Variants in ZRANB3 observed in about 807,000 individuals in gnomAD.
ZRANB3 encodes the protein DNA annealing helicase and endonuclease ZRANB3.
A neutral mutation model predicts 133.8 loss-of-function variants in ZRANB3; 125 were observed. That is an observed-to-expected ratio of 0.93 (90% confidence interval 0.81 to 1.08). ZRANB3 has a LOEUF of 1.08. Among genes scored for constraint, ZRANB3 ranks in the 50% least tolerant of loss-of-function variants. ZRANB3 has a pLI of 0.00. For missense variants in ZRANB3, 1,229 were observed against 1,275.5 expected, an observed-to-expected ratio of 0.96 and a Z score of 0.56; for synonymous variants, 387 against 432.7, an observed-to-expected ratio of 0.89 and a Z score of 1.31.
intron 8 of ZRANB3, among the ~76,000 whole-genome samples, chr2:135,276,887 G>T (rs1483859211): frequency 1.3e-5 from 2 of 152,172 alleles, no homozygotes; most frequent in Non-Finnish European, 2.9e-5. Flanking sequence ...TAGGAGTGTG[G>T]TTAGGAGGAC....
rs1479907249 is a variant in ZRANB3, at chr2:135,230,651, C to G, written c.1816G>C (p.Glu606Gln). The change falls in exon 13 of 21, where the codon GAA becomes CAA. Residue 606 changes from glutamate to glutamine, a missense_variant. Coordinates refer to ENST00000264159, the MANE Select transcript of ZRANB3 (RefSeq NM_032143.4). ...TGGGCCTTGGCCTCCTGTACACTTTCCACGAGTGGAGTTCGGATTTGCTTG... is the reference window on the plus strand; with the variant it reads ...TGGGCCTTGGCCTCCTGTACACTTTGCACGAGTGGAGTTCGGATTTGCTTG... Reference protein sequence around the residue: ...QSKQIRTPLVESVQEAKAQLT... With the variant: ...QSKQIRTPLVQSVQEAKAQLT... 3 of 1,613,648 alleles carry G rather than the reference C, an allele frequency of 1.9e-6. No homozygotes were observed. The highest frequency in any genetic ancestry group is 2.2e-5 in the East Asian group (1 of 44,896).
rs926077511 is a variant in ZRANB3 at position 135,198,119 on chromosome 2, C to A, written c.*2223G>T. 2 of 152,318 alleles carry A rather than the reference C, an allele frequency of 1.3e-5. No homozygotes were observed. Among genetic ancestry groups the A allele is most frequent in the Non-Finnish European group, 2.9e-5 (2 of 68,164 alleles). The allele number at this position is 152,318 out of a possible 1,614,324, so 9.4% of individuals were successfully genotyped here. A position where few individuals can be genotyped will look rare whatever the true frequency, so the allele number is the denominator to read the frequency against. On this transcript the variant is annotated 3_prime_UTR_variant, in exon 21 of 21. Transcript: ENST00000264159. ...GGCAGCAGCTGTCTTCTTCCTGGGG[C>A]ATCTGCACTTCCTTCTGCACTCAGG...
intron 2 of ZRANB3, among the ~76,000 whole-genome samples, chr2:135,404,317 T>C (rs1437846456): frequency 1.3e-5 from 2 of 152,156 alleles, no homozygotes; most frequent in African/African-American, 4.8e-5. Flanking sequence ...CAAGTCTCAG[T>C]AGCCAATTCT....
At position 135,332,570 on chromosome 2, in the gene ZRANB3, T is replaced by C. The variant is rs1055628371; in HGVS notation, c.677+12980A>G. ...ATATGTTTTCATTTGTTAAAATGCTTCTTAAAACATGGCTTCTAGTTCCCT... is the reference window on the plus strand; with the variant it reads ...ATATGTTTTCATTTGTTAAAATGCTCCTTAAAACATGGCTTCTAGTTCCCT... On this transcript the variant is annotated intron_variant, in intron 6 of 20. Coordinates refer to ENST00000264159, the MANE Select transcript of ZRANB3 (RefSeq NM_032143.4). 3.3e-5 allele frequency among the ~76,000 whole-genome samples: 5 copies of C among 152,156 alleles called. 1 individual carries two copies. The highest frequency in any genetic ancestry group is 3.3e-4 in the Admixed American group (5 of 15,260).
At chr2:135,258,577 G>A (rs564939066) in intron 12 of ZRANB3, among the ~76,000 whole-genome samples, 25 of 152,258 alleles carry the variant, frequency 1.6e-4, no homozygotes, top group African/African-American at 5.8e-4. Context: ...TATCTTGGTC[G>A]TGTGACAAGA....
At chr2:135,285,169 T>C (rs534912324) in intron 8 of ZRANB3, among the ~76,000 whole-genome samples, 1 of 152,292 alleles carries the variant, frequency 6.6e-6, no homozygotes, top group East Asian at 1.9e-4. Context: ...TCTTTTTCTA[T>C]GGTAAACTCC....
chr2:135,515,250 G>A (rs150117769), intron 1 of ZRANB3, among the ~76,000 whole-genome samples: 15 of 152,210 alleles, frequency 9.9e-5, no homozygotes, highest in South Asian at 6.2e-4. Flanking sequence ...AAATTCGGCC[G>A]TGAATCTGTC....
In ZRANB3 at chr2:135,315,514, G is replaced by T; in HGVS notation, c.694C>A (p.Pro232Thr). The change falls in exon 7 of 21, where the codon CCT becomes ACT. Residue 232 changes from proline to threonine, a missense_variant. Coordinates refer to ENST00000264159, the MANE Select transcript of ZRANB3 (RefSeq NM_032143.4). ...NAHIRYFGKR[P>T]QWDCRGASNL... The stretch of plus-strand genomic sequence containing the variant: ...GATGCCCCTCTACAATCCCACTGAG[G>T]TCTTTTACCAAAATATCTGTTAAAA... The T allele has an allele frequency of 6.5e-7, 1 of 1,528,884 alleles. No individual in the cohort carries two copies. Among genetic ancestry groups the T allele is most frequent in the African/African-American group, 1.4e-5 (1 of 70,760 alleles). The allele number at this position is 1,528,884 out of a possible 1,614,324, so 94.7% of individuals were successfully genotyped here. A position where few individuals can be genotyped will look rare whatever the true frequency, so the allele number is the denominator to read the frequency against.
intron 13 of ZRANB3, 37 bp downstream of exon 13, chr2:135,230,476 C>T: frequency 6.9e-7 from 1 of 1,449,912 alleles, no homozygotes. Flanking sequence ...ACACCACTAA[C>T]AGCCCTTACC....
chr2:135,255,442 T>TA (rs1282765065), intron 12 of ZRANB3, among the ~76,000 whole-genome samples: 4 of 152,182 alleles, frequency 2.6e-5, no homozygotes, highest in Admixed American at 6.5e-5. Flanking sequence ...CCTTTTCTGT[T>TA]CCTTGTTTCT....
At position 135,284,239 on chromosome 2, in the gene ZRANB3, TTAAA is replaced by T. The variant is rs563004795; in HGVS notation, c.967-8488_967-8485del. ...ACACCGCATAGGGTTGTGGTGAAAA[TTAAA>T]TAAGTTAGTCCATGAAATATGCTTG... On this transcript the variant is annotated intron_variant, in intron 8 of 20. Transcript: ENST00000264159. 2.2e-4 allele frequency among the ~76,000 whole-genome samples: 33 copies of T among 152,312 alleles called. No homozygotes were observed. In the South Asian group the frequency reaches 5.8e-3, roughly 27 times the overall value.
chr2:135,467,503 G>T (rs1398386658), intron 2 of ZRANB3, among the ~76,000 whole-genome samples: 1 of 152,112 alleles, frequency 6.6e-6, no homozygotes, highest in Non-Finnish European at 1.5e-5. Context: ...GCCCTCCCAG[G>T]GGGTGTTCCT....
intron 2 of ZRANB3, among the ~76,000 whole-genome samples, chr2:135,451,289 C>T (rs556234213): frequency 1.1e-4 from 17 of 152,116 alleles, no homozygotes; most frequent in East Asian, 1.9e-4. Context: ...TGGCCGGGTA[C>T]GGTGGCTCAT....
chr2:135,245,945 A>AAAAAAAAAAAG (rs1437529464), intron 12 of ZRANB3, among the ~76,000 whole-genome samples: 1 of 146,574 alleles, frequency 6.8e-6, no homozygotes, highest in Non-Finnish European at 1.5e-5. Flanking sequence ...AAAAAAAAAA[A>AAAAAAAAAAAG]AAAGAGACAG....
intron 1 of ZRANB3, among the ~76,000 whole-genome samples, chr2:135,506,883 T>C (rs111408189): frequency 7.6e-4 from 116 of 152,306 alleles, no homozygotes; most frequent in African/African-American, 2.6e-3. Context: ...AATTTAGAAA[T>C]GATTTATGAG....
intron 2 of ZRANB3, among the ~76,000 whole-genome samples, chr2:135,496,638 A>G (rs1692686240): frequency 6.6e-6 from 1 of 152,184 alleles, no homozygotes; most frequent in African/African-American, 2.4e-5. Flanking sequence ...CAACATAAGC[A>G]GGCAGAGCTG....
chr2:135,415,155 A>G lies in ZRANB3; in HGVS notation c.162-24335T>C, dbSNP rs1484577318. On this transcript the variant is annotated intron_variant, in intron 2 of 20. Transcript: ENST00000264159. Reference sequence around the variant, plus strand: ...CAAAAAAAAAACCCTTCAAAAAATTAATGAATCCAGGAGCTGGTTTTTTGA... The same window carrying G: ...CAAAAAAAAAACCCTTCAAAAAATTGATGAATCCAGGAGCTGGTTTTTTGA... Among the ~76,000 whole-genome samples, 15 of 141,242 alleles carry G rather than the reference A, an allele frequency of 1.1e-4. 1 individual carries two copies. The Admixed American group carries it at 1.2e-3, about 11-fold the overall frequency. 92.7% of individuals were successfully genotyped at this position (141,242 alleles called of 152,430 possible). A position where few individuals can be genotyped will look rare whatever the true frequency, so the allele number is the denominator to read the frequency against.
chr2:135,373,918 T>C (rs1296387053), intron 3 of ZRANB3, among the ~76,000 whole-genome samples: 1 of 151,624 alleles, frequency 6.6e-6, no homozygotes, highest in Non-Finnish European at 1.5e-5. Flanking sequence ...ATATTCTTCC[T>C]ATGCTTTACA....
At chr2:135,444,345 T>C (rs1344903741) in intron 2 of ZRANB3, among the ~76,000 whole-genome samples, 6 of 152,170 alleles carry the variant, frequency 3.9e-5, no homozygotes, top group African/African-American at 1.4e-4. Flanking sequence ...TTATGCATAA[T>C]AGCCCCAAAG....
Sources: gnomAD v4.1 joint callset for allele counts (sites outside exome capture counted in the v4.1 genomes callset) on GRCh38, gnomAD v4.1.1 for gene constraint, MANE v1.5 for transcripts, NCBI Gene and HGNC (gene_info 2026-07-23, HGNC 2026-07-21) for gene names.